The following CLEC16A variants were observed in gnomAD, a reference collection of about 807,000 sequenced individuals.
CLEC16A encodes the protein C-type lectin domain containing 16A.
Under a neutral mutation model 109.5 loss-of-function variants are expected in CLEC16A, and 51 were observed. The observed-to-expected ratio is 0.47, with a 90% CI of 0.37 to 0.59. The LOEUF is 0.59. CLEC16A is among the 20% of genes least tolerant of loss of function. The pLI, the probability that CLEC16A is intolerant of heterozygous loss-of-function variation, is 0.00. For missense variants in CLEC16A, 1,339 were observed against 1,394.0 expected, an observed-to-expected ratio of 0.96 and a Z score of 0.63; for synonymous variants, 673 against 564.2, an observed-to-expected ratio of 1.19 and a Z score of -2.73.
At position 10,948,095 on chromosome 16, in the gene CLEC16A, G is replaced by C. The variant is rs112616898; in HGVS notation, c.80+3298G>C. Among the ~76,000 whole-genome samples, 464 of 152,164 alleles carry C rather than the reference G, an allele frequency of 3.0e-3. 2 individuals are homozygous for C. The highest frequency in any genetic ancestry group is 5.0e-3 in the Non-Finnish European group (342 of 67,994). On this transcript the variant is annotated intron_variant, in intron 1 of 23. Coordinates refer to ENST00000409790, the MANE Select transcript of CLEC16A (RefSeq NM_015226.3). The stretch of plus-strand genomic sequence containing the variant: ...TTTTTAGTAGAGACGGGGTTTCACC[G>C]TGTTAGCCAGGATGGTCTCGATCTC...
Position 11,006,360 on chromosome 16 carries a change from C to T in CLEC16A, c.1303+3055C>T, listed in dbSNP as rs113862115. On this transcript the variant is annotated intron_variant, in intron 11 of 23. Transcript: ENST00000409790. ...CTGGGCCAGCAGAAATAGCAGATTT[C>T]CCCCTAGAAAGTCACACTGTATTTC... is the stretch of plus-strand genomic sequence containing the variant. 9.1e-3 allele frequency among the ~76,000 whole-genome samples: 1,387 copies of T among 152,304 alleles called. 20 individuals carry two copies. The highest frequency in any genetic ancestry group is 0.031 in the Middle Eastern group (9 of 294).
chr16:11,133,275 G>A (rs1416680874), intron 22 of CLEC16A, among the ~76,000 whole-genome samples: 1 of 151,650 alleles, frequency 6.6e-6, no homozygotes, highest in Admixed American at 6.6e-5. Flanking sequence ...GGAGGTGGAG[G>A]TTGCAGTGAG....
intron 22 of CLEC16A, among the ~76,000 whole-genome samples, chr16:11,131,990 C>G (rs2053237972): frequency 6.6e-6 from 1 of 152,228 alleles, no homozygotes; most frequent in African/African-American, 2.4e-5. Context: ...ACTCAGGGCT[C>G]TGCTCCGATA....
intron 8 of CLEC16A, 30 bp from the exon 9 acceptor site, chr16:10,979,295 ATCTC>A (rs150355469): frequency 5.5e-5 from 84 of 1,540,670 alleles, no homozygotes; most frequent in Non-Finnish European, 5.9e-5. Context: ...GTGTGACCTG[ATCTC>A]TCTCTCTCTC....
At chr16:11,127,398 A>T (rs910047904) in intron 22 of CLEC16A, among the ~76,000 whole-genome samples, 2 of 152,150 alleles carry the variant, frequency 1.3e-5, no homozygotes, top group East Asian at 3.9e-4. Flanking sequence ...GAGCATCCTT[A>T]GGGTGTCTTT....
At chr16:11,094,151 C>T (rs1207517999) in intron 19 of CLEC16A, among the ~76,000 whole-genome samples, 1 of 152,218 alleles carries the variant, frequency 6.6e-6, no homozygotes, top group Non-Finnish European at 1.5e-5. Context: ...CTCCAGAGTA[C>T]TTCCTCTTTT....
At chr16:11,041,718 C>G (rs780911796) in intron 14 of CLEC16A, 1 of 153,204 alleles carries the variant, frequency 6.5e-6, no homozygotes, top group Non-Finnish European at 1.5e-5. Flanking sequence ...TCTGCTCAGC[C>G]CGGCACAAGG....
In CLEC16A at chr16:10,964,730, A is replaced by T. The variant is rs77104963; in HGVS notation, c.343+2142A>T. ...GGCTTTTAGAGTGTTTCTCTGAATT[A>T]TGTGGCTTTTAAAAATTGTATATAT... On this transcript the variant is annotated intron_variant, in intron 3 of 23. Coordinates refer to ENST00000409790, the MANE Select transcript of CLEC16A (RefSeq NM_015226.3). Among the ~76,000 whole-genome samples the T allele has an allele frequency of 4.5e-3, 689 of 152,276 alleles. 5 individuals carry two copies. Among genetic ancestry groups the T allele is most frequent in the Middle Eastern group, 0.031 (9 of 294 alleles).
intron 16 of CLEC16A, among the ~76,000 whole-genome samples, chr16:11,046,408 T>C (rs981275203): frequency 6.6e-6 from 1 of 152,162 alleles, no homozygotes; most frequent in African/African-American, 2.4e-5. Flanking sequence ...TCAAATTTAG[T>C]TGTAGTTCTG....
chr16:11,119,813 G>T (rs1437358603), intron 19 of CLEC16A, among the ~76,000 whole-genome samples: 1 of 152,118 alleles, frequency 6.6e-6, no homozygotes, highest in African/African-American at 2.4e-5. Context: ...GATAGGAATT[G>T]CATTGAATGT....
At chr16:11,169,769 TGGC>T (rs1239109068) in intron 23 of CLEC16A, among the ~76,000 whole-genome samples, 1 of 152,216 alleles carries the variant, frequency 6.6e-6, no homozygotes, top group African/African-American at 2.4e-5. Flanking sequence ...ACAGTTGGTG[TGGC>T]CCAGGCACCC....
At chr16:11,001,304 T>G (rs1295272697) in intron 10 of CLEC16A, among the ~76,000 whole-genome samples, 2 of 152,204 alleles carry the variant, frequency 1.3e-5, no homozygotes, top group East Asian at 3.9e-4. Context: ...CAGGCTGGTC[T>G]TCAAATCCTT....
intron 13 of CLEC16A, among the ~76,000 whole-genome samples, chr16:11,032,061 A>C (rs2046771449): frequency 6.6e-6 from 1 of 152,218 alleles, no homozygotes. Context: ...GGCTGTCAGC[A>C]CAATAGAGGG....
intron 22 of CLEC16A, among the ~76,000 whole-genome samples, chr16:11,130,475 T>C (rs996484140): frequency 1.1e-4 from 17 of 152,220 alleles, no homozygotes; most frequent in African/African-American, 4.1e-4. Flanking sequence ...CCAAGGACCA[T>C]GTACCCAGGT....
intron 19 of CLEC16A, among the ~76,000 whole-genome samples, chr16:11,117,521 A>G (rs1020116973): frequency 6.6e-6 from 1 of 152,172 alleles, no homozygotes; most frequent in Non-Finnish European, 1.5e-5. Context: ...CATTGCAATT[A>G]TTTGTAAAAC....
chr16:11,083,198 T>C (rs1035489977), intron 19 of CLEC16A, among the ~76,000 whole-genome samples: 1 of 152,220 alleles, frequency 6.6e-6, no homozygotes, highest in Non-Finnish European at 1.5e-5. Context: ...GGTCTTGCTC[T>C]GTTGCCCAGG....
chr16:11,051,468 C>G (rs1185510825), intron 17 of CLEC16A, 45 bp from the exon 18 acceptor site: 1 of 1,586,474 alleles, frequency 6.3e-7, no homozygotes, highest in Admixed American at 1.7e-5. Flanking sequence ...TTCCTCCTTC[C>G]AAGTAAGGAA....
At chr16:11,006,530 G>C (rs2045024687) in intron 11 of CLEC16A, among the ~76,000 whole-genome samples, 1 of 152,152 alleles carries the variant, frequency 6.6e-6, no homozygotes, top group African/African-American at 2.4e-5. Context: ...AGATGGACAT[G>C]GTGACTCTTA....
chr16:11,141,878 A>G (rs1024733252), intron 22 of CLEC16A, among the ~76,000 whole-genome samples: 2 of 152,188 alleles, frequency 1.3e-5, no homozygotes, highest in Non-Finnish European at 1.5e-5. Context: ...GTAACCGCAG[A>G]GCGTAGTGAG....
Sources: gnomAD v4.1 joint callset for allele counts (sites outside exome capture counted in the v4.1 genomes callset) on GRCh38, gnomAD v4.1.1 for gene constraint, MANE v1.5 for transcripts, NCBI Gene and HGNC (gene_info 2026-07-23, HGNC 2026-07-21) for gene names.